Variants in APCDD1L observed in about 807,000 individuals in gnomAD.
The protein encoded by APCDD1L is APC down-regulated 1 like.
APCDD1L carries 21 observed loss-of-function variants against 24.2 expected under a neutral mutation model. That is an observed-to-expected ratio of 0.87 (90% CI 0.61 to 1.25). APCDD1L has a LOEUF of 1.25. APCDD1L is among the 50% of genes most tolerant of loss of function. APCDD1L has a pLI of 0.00. For synonymous variants in APCDD1L, 321 were observed against 323.6 expected, an observed-to-expected ratio of 0.99 and a Z score of 0.09; for missense variants, 704 against 711.7, an observed-to-expected ratio of 0.99 and a Z score of 0.12.
intron 1 of APCDD1L, among the ~76,000 whole-genome samples, chr20:58,473,483 G>C (rs372472821): frequency 7.9e-5 from 12 of 152,268 alleles, no homozygotes; most frequent in African/African-American, 2.4e-4. Context: ...GTGGCCTCTT[G>C]GTCATGCGTG....
At chr20:58,512,133 G>T (rs1486514688) in intron 1 of APCDD1L, among the ~76,000 whole-genome samples, 1 of 152,228 alleles carries the variant, frequency 6.6e-6, no homozygotes, top group Non-Finnish European at 1.5e-5. Context: ...CGGCCGCCAT[G>T]CGGACATGTT....
chr20:58,492,884 C>T (rs980837118), intron 1 of APCDD1L, among the ~76,000 whole-genome samples: 5 of 151,864 alleles, frequency 3.3e-5, no homozygotes, highest in Non-Finnish European at 5.9e-5. Flanking sequence ...ACAATGCAAG[C>T]ATATACACAC....
intron 1 of APCDD1L, among the ~76,000 whole-genome samples, chr20:58,510,788 T>G (rs937257757): frequency 6.6e-6 from 1 of 152,198 alleles, no homozygotes; most frequent in Non-Finnish European, 1.5e-5. Flanking sequence ...TGGACCTGCA[T>G]GGTGTCAGGG....
intron 1 of APCDD1L, among the ~76,000 whole-genome samples, chr20:58,502,374 T>G (rs1259029580): frequency 6.6e-6 from 1 of 152,234 alleles, no homozygotes; most frequent in Non-Finnish European, 1.5e-5. Flanking sequence ...GTGTTGGGAT[T>G]ACAGGCGTGA....
chr20:58,468,384 T>C (rs1989755832), intron 2 of APCDD1L, among the ~76,000 whole-genome samples: 1 of 151,564 alleles, frequency 6.6e-6, no homozygotes, highest in African/African-American at 2.4e-5. Context: ...GGGGAAGGGG[T>C]TGGACGGAGA....
intron 1 of APCDD1L, among the ~76,000 whole-genome samples, chr20:58,492,882 A>G (rs1990246736): frequency 6.6e-6 from 1 of 151,922 alleles, no homozygotes; most frequent in African/African-American, 2.4e-5. Context: ...ACACAATGCA[A>G]GCATATACAC....
chr20:58,463,897 G>GGGA (rs1555819796), intron 3 of APCDD1L, among the ~76,000 whole-genome samples: 1 of 128,950 alleles, frequency 7.8e-6, no homozygotes, highest in Non-Finnish European at 1.6e-5. Flanking sequence ...TTTTTTTTGG[G>GGGA]GGGGGGGGGC....
intron 1 of APCDD1L, among the ~76,000 whole-genome samples, chr20:58,486,730 C>A (rs1370521085): frequency 6.6e-6 from 1 of 151,522 alleles, no homozygotes. Context: ...ACTCTTACAA[C>A]AACAAGGGCA....
intron 1 of APCDD1L, among the ~76,000 whole-genome samples, chr20:58,480,737 T>A (rs1377288104): frequency 6.6e-6 from 1 of 151,714 alleles, no homozygotes; most frequent in African/African-American, 2.4e-5. Flanking sequence ...TAGGTTTTTC[T>A]GTTTGTTTGT....
At chr20:58,496,029 C>T (rs1396263415) in intron 1 of APCDD1L, among the ~76,000 whole-genome samples, 1 of 152,192 alleles carries the variant, frequency 6.6e-6, no homozygotes, top group Non-Finnish European at 1.5e-5. Flanking sequence ...CAATGACATA[C>T]CGTCTTTAGG....
At chr20:58,514,117 G>A (rs1990687249) in intron 1 of APCDD1L, 2 of 413,606 alleles carry the variant, frequency 4.8e-6, no homozygotes, top group African/African-American at 2.1e-5. Flanking sequence ...AGGGGTTCCT[G>A]AAGCCCCTTG....
At chr20:58,491,715 T>G (rs1022910974) in intron 1 of APCDD1L, among the ~76,000 whole-genome samples, 13 of 152,216 alleles carry the variant, frequency 8.5e-5, no homozygotes, top group African/African-American at 2.7e-4. Context: ...CTTATTTTTT[T>G]GGGATCTTGA....
rs1048251464 is a variant in APCDD1L at position 58,459,408 on chromosome 20, A to C, written c.*1382T>G. 2 of 152,054 alleles carry C rather than the reference A, an allele frequency of 1.3e-5. No homozygotes were observed. Among genetic ancestry groups the C allele is most frequent in the African/African-American group, 2.4e-5 (1 of 41,386 alleles). 9.4% of individuals were successfully genotyped at this position (152,054 alleles called of 1,614,324 possible). A position where few individuals can be genotyped will look rare whatever the true frequency, so the allele number is the denominator to read the frequency against. The stretch of plus-strand genomic sequence containing the variant: ...GGTAATAAGTGGAAGCAATTTCAGC[A>C]GGCTGACTGAACCCCACACAGTCTC... On this transcript the variant is annotated 3_prime_UTR_variant, in exon 4 of 4. Transcript: ENST00000371149.
Position 58,513,376 on chromosome 20 carries a change from C to A in APCDD1L, c.49+1283G>T, listed in dbSNP as rs189491324. Among the ~76,000 whole-genome samples, 232 of 152,298 alleles carry A rather than the reference C, an allele frequency of 1.5e-3. 1 individual carries two copies. The highest frequency in any genetic ancestry group is 5.5e-3 in the African/African-American group (230 of 41,552). On this transcript the variant is annotated intron_variant, in intron 1 of 3. Transcript: ENST00000371149. ...GGCCAAGGACAGCTGTGTCACCTCTCGCTCCCAGACTGGCAGGGGAAGCGG... is the reference window on the plus strand; with the variant it reads ...GGCCAAGGACAGCTGTGTCACCTCTAGCTCCCAGACTGGCAGGGGAAGCGG...
chr20:58,467,648 G>A lies in APCDD1L; in HGVS notation c.199C>T (p.Arg67Cys), dbSNP rs1199511682. The A allele has an allele frequency of 2.0e-6, 3 of 1,496,390 alleles. No individual in the cohort carries two copies. The highest frequency in any genetic ancestry group is 2.1e-5 in the Admixed American group (1 of 46,934). The allele number at this position is 1,496,390 out of a possible 1,614,324, so 92.7% of individuals were successfully genotyped here. The change falls in exon 3 of 4, where the codon CGC (arginine) becomes TGC (cysteine). Residue 67 changes from arginine (R) to cysteine (C), a missense_variant. By Grantham distance (180) the Arg-to-Cys change is radical (BLOSUM62 -3). Transcript: ENST00000371149. This position sits in a 1 kb window ranked among gnomAD's most constrained non-coding sequence, Gnocchi z 5.9. ...CGGGTCAGGAACTCCGGTCCTGGGC[G>A]CACCTCGCAGCTGCAGGGGTGGAAG... The part of the protein sequence containing the change: ...GPWISTGCEV[R>C]PGPEFLTRAY...
At chr20:58,505,773 C>T (rs576019018) in intron 1 of APCDD1L, among the ~76,000 whole-genome samples, 3 of 152,178 alleles carry the variant, frequency 2.0e-5, no homozygotes, top group Non-Finnish European at 2.9e-5. Context: ...GCAGGTGTAA[C>T]TAATTAAAAT....
chr20:58,508,348 C>T lies in APCDD1L; in HGVS notation c.49+6311G>A, dbSNP rs1159262752. 6.6e-6 allele frequency among the ~76,000 whole-genome samples: 1 copy of T among 152,150 alleles called. No homozygotes were observed. Reference sequence around the variant, plus strand: ...CTGTGAAGTGTGTGGAGATGACTGTCACATGGGGATCAAGGAGCACAGGGA... The same window carrying T: ...CTGTGAAGTGTGTGGAGATGACTGTTACATGGGGATCAAGGAGCACAGGGA... On this transcript the variant is annotated intron_variant, in intron 1 of 3. Transcript: ENST00000371149. This position sits in a 1 kb window ranked among gnomAD's most constrained non-coding sequence, Gnocchi z 4.0.
chr20:58,461,597 A>G lies in APCDD1L; in HGVS notation c.742-43T>C, dbSNP rs1198387611. ...GAAAAACGGTGGTTGTCCCACATAG[A>G]GAAGTTGGGGTGCAGCCTGGAAAGG... On this transcript the variant is annotated intron_variant, in intron 3 of 3. Transcript: ENST00000371149. The surrounding 1 kb of genome is among the most constrained non-coding windows in gnomAD (Gnocchi z 6.0). The G allele has an allele frequency of 4.3e-6, 6 of 1,396,482 alleles. No homozygotes were observed. Among genetic ancestry groups the G allele is most frequent in the Non-Finnish European group, 1.9e-6 (2 of 1,069,224 alleles). The allele number at this position is 1,396,482 out of a possible 1,614,324, so 86.5% of individuals were successfully genotyped here.
intron 3 of APCDD1L, among the ~76,000 whole-genome samples, chr20:58,466,125 CAAA>C (rs35123325): frequency 4.2e-5 from 5 of 120,414 alleles, no homozygotes; most frequent in African/African-American, 6.1e-5. Context: ...GCTCATCTGG[CAAA>C]AAAAAAAAAA....
Sources: allele counts gnomAD v4.1 joint callset (sites outside exome capture counted in the v4.1 genomes callset), GRCh38; gene constraint gnomAD v4.1.1; non-coding constraint Gnocchi (gnomAD v3.1); transcripts MANE v1.5; gene names NCBI Gene and HGNC (gene_info 2026-07-23, HGNC 2026-07-21).